Variants in PIP5K1C observed in about 807,000 individuals in gnomAD.
The protein encoded by PIP5K1C is phosphatidylinositol-4-phosphate 5-kinase type 1 gamma, also known as phosphatidylinositol 4-phosphate 5-kinase type-1 gamma.
PIP5K1C carries 45 observed loss-of-function variants against 80.1 expected under a neutral mutation model. The observed-to-expected ratio is 0.56, with a 90% CI of 0.44 to 0.72. PIP5K1C has a LOEUF of 0.72. Ranked by LOEUF, PIP5K1C falls within the 30% of genes least tolerant of loss-of-function variation. PIP5K1C has a pLI of 0.00. For synonymous variants in PIP5K1C, 498 were observed against 420.1 expected (o/e 1.19, Z -2.27); for missense variants, 753 against 954.6 (o/e 0.79, Z 2.78).
intron 1 of PIP5K1C, chr19:3,674,435 C>T (rs1036092055): frequency 2.0e-5 from 3 of 152,168 alleles, no homozygotes; most frequent in African/African-American, 7.3e-5. Context: ...TCACTACAGC[C>T]TCCGCCACTC....
chr19:3,668,158 T>C (rs1001782393), intron 1 of PIP5K1C, among the ~76,000 whole-genome samples: 1 of 151,842 alleles, frequency 6.6e-6, no homozygotes, highest in Non-Finnish European at 1.5e-5. Flanking sequence ...AGGCCTGGGC[T>C]GAGCCGGGAG....
chr19:3,649,106 C>T (rs576209173), intron 8 of PIP5K1C, among the ~76,000 whole-genome samples: 1 of 133,536 alleles, frequency 7.5e-6, no homozygotes, highest in Non-Finnish European at 1.6e-5. Flanking sequence ...AACTGTCACC[C>T]GGCACCATGC....
rs190943818 is a variant in PIP5K1C at position 3,679,850 on chromosome 19, G to A, written c.95-12497C>T. Among the ~76,000 whole-genome samples the A allele has an allele frequency of 2.0e-4, 31 of 152,366 alleles. 1 individual carries two copies. In the East Asian group the frequency reaches 4.6e-3, roughly 23 times the overall value. ...GCTGCGCTGGGCACGCATGGTGGAC[G>A]GAGTGGTGGAGCAGGCAACTGGAGC... is the stretch of plus-strand genomic sequence containing the variant. On this transcript the variant is annotated intron_variant, in intron 1 of 17. Transcript: ENST00000335312.
At chr19:3,700,212 G>GC in intron 1 of PIP5K1C, 85 bp downstream of exon 1, 1 of 781,752 alleles carries the variant, frequency 1.3e-6, no homozygotes, top group Non-Finnish European at 1.6e-6. Context: ...CGACCGTGCA[G>GC]CCCCCGCCCC....
At chr19:3,685,513 G>GCCTA (rs2035732224) in intron 1 of PIP5K1C, among the ~76,000 whole-genome samples, 1 of 152,010 alleles carries the variant, frequency 6.6e-6, no homozygotes, top group Non-Finnish European at 1.5e-5. Context: ...GGCGGATCAC[G>GCCTA]AGGTCAGGAG....
At chr19:3,697,379 G>C (rs2036155316) in intron 1 of PIP5K1C, among the ~76,000 whole-genome samples, 2 of 151,310 alleles carry the variant, frequency 1.3e-5, no homozygotes, top group Admixed American at 1.3e-4. Flanking sequence ...GACTGAGCCA[G>C]ACGGAGGAGG....
chr19:3,667,235 G>A, intron 2 of PIP5K1C, 87 bp downstream of exon 2: 1 of 1,217,608 alleles, frequency 8.2e-7, no homozygotes, highest in Non-Finnish European at 1.2e-6. Context: ...GTAGTGAGCT[G>A]CCCCAGGCCA....
At chr19:3,633,342 G>T in intron 17 of PIP5K1C, 95 bp downstream of exon 17, 2 of 990,000 alleles carry the variant, frequency 2.0e-6, no homozygotes, top group Non-Finnish European at 2.9e-6. Context: ...CTCCCGCCCC[G>T]GGCCTCAGTC....
intron 1 of PIP5K1C, among the ~76,000 whole-genome samples, chr19:3,674,925 G>A (rs1358690404): frequency 6.6e-6 from 1 of 152,230 alleles, no homozygotes; most frequent in Non-Finnish European, 1.5e-5. Context: ...GAAAAGGAGT[G>A]AGGCTCTGAC....
At position 3,638,893 on chromosome 19, in the gene PIP5K1C, G is replaced by A. The variant is rs1240027352; in HGVS notation, c.1911C>T (p.Asp637=). Residue 637 remains aspartate, a synonymous_variant, in exon 16 of 18, where the codon GAC becomes GAT. Coordinates refer to ENST00000335312, the MANE Select transcript of PIP5K1C (RefSeq NM_012398.3). Reference sequence around the variant, plus strand: ...AGCCCGGGGCACTTACAAAGTAGATGTCGGTGGCGGGCGCGTCCTCCTCGT... The same window carrying A: ...AGCCCGGGGCACTTACAAAGTAGATATCGGTGGCGGGCGCGTCCTCCTCGT... ...ASDEEDAPAT[D]IYFPTDERSW... 1.2e-6 allele frequency: 2 copies of A among 1,613,014 alleles called. No homozygotes were observed. The highest frequency in any genetic ancestry group is 4.5e-5 in the East Asian group (2 of 44,864).
chr19:3,678,299 T>C (rs368925402), intron 1 of PIP5K1C, among the ~76,000 whole-genome samples: 145 of 65,932 alleles, frequency 2.2e-3, no homozygotes, highest in African/African-American at 8.9e-3. Context: ...GATGGAGGGA[T>C]GGAGGGACGG....
chr19:3,662,446 C>G (rs767402462), intron 3 of PIP5K1C, among the ~76,000 whole-genome samples: 4 of 152,240 alleles, frequency 2.6e-5, no homozygotes, highest in African/African-American at 9.6e-5. Context: ...ATGTAACGCA[C>G]GTGGTCACAC....
chr19:3,670,355 C>T (rs1004687736), intron 1 of PIP5K1C, among the ~76,000 whole-genome samples: 5 of 152,130 alleles, frequency 3.3e-5, no homozygotes, highest in African/African-American at 9.7e-5. Flanking sequence ...CTGGATCCAC[C>T]GCTGTCCTTA....
intron 17 of PIP5K1C, 53 bp from the exon 18 acceptor site, chr19:3,633,222 G>GC (rs1389165963): frequency 2.2e-5 from 16 of 741,014 alleles, no homozygotes; most frequent in Admixed American, 9.5e-5. Flanking sequence ...CCCACCCCAG[G>GC]CCCCCTGCCA....
At chr19:3,640,226 C>T (rs1439957781) in intron 15 of PIP5K1C, among the ~76,000 whole-genome samples, 1 of 152,188 alleles carries the variant, frequency 6.6e-6, no homozygotes, top group African/African-American at 2.4e-5. Flanking sequence ...AAAGTAAAAA[C>T]ATACAGGGGC....
intron 1 of PIP5K1C, among the ~76,000 whole-genome samples, chr19:3,674,840 T>C (rs1424400340): frequency 1.3e-5 from 2 of 152,220 alleles, no homozygotes; most frequent in Non-Finnish European, 2.9e-5. Context: ...GTTACAGTTT[T>C]TAATTCCTTT....
chr19:3,633,546 G>A (rs779320372), intron 16 of PIP5K1C, 26 bp from the exon 17 acceptor site: 20 of 1,457,566 alleles, frequency 1.4e-5, no homozygotes, highest in Non-Finnish European at 1.7e-5. Context: ...GCGTGCAGGA[G>A]GGCGCGGAAG....
intron 7 of PIP5K1C, among the ~76,000 whole-genome samples, 179 bp from the exon 8 acceptor site, chr19:3,652,210 C>T (rs548264410): frequency 2.6e-5 from 4 of 152,326 alleles, no homozygotes; most frequent in Admixed American, 6.5e-5. Context: ...AGAGGGGCTG[C>T]GGTCACACAG....
rs1013628797 is a variant in PIP5K1C, at chr19:3,688,941, G to C, written c.94+11356C>G. Among the ~76,000 whole-genome samples, 3 of 149,442 alleles carry C rather than the reference G, an allele frequency of 2.0e-5. No homozygotes were observed. Among genetic ancestry groups the C allele is most frequent in the South Asian group, 2.1e-4 (1 of 4,734 alleles). ...TGGGCGGGGGCCTGGGAGAGTGCCC[G>C]GGATGGGGCTGGGGGGTGGGGGGGG... is the stretch of plus-strand genomic sequence containing the variant. On this transcript the variant is annotated intron_variant, in intron 1 of 17. Transcript: ENST00000335312. The surrounding 1 kb of genome is among the most constrained non-coding windows in gnomAD (Gnocchi z 5.3).
Sources: gnomAD v4.1 joint callset for allele counts (sites outside exome capture counted in the v4.1 genomes callset) on GRCh38, gnomAD v4.1.1 for gene constraint, Gnocchi (gnomAD v3.1) non-coding constraint, MANE v1.5 for transcripts, NCBI Gene and HGNC (gene_info 2026-07-23, HGNC 2026-07-21) for gene names.